The following MAGI1 variants were observed in gnomAD, a reference collection of about 807,000 sequenced individuals.
MAGI1 encodes the protein membrane-associated guanylate kinase, WW and PDZ domain-containing protein 1.
Under a neutral mutation model 139.9 loss-of-function variants are expected in MAGI1, and 58 were observed. The ratio of observed to expected loss-of-function variants is 0.41; its 90% confidence interval spans 0.34 to 0.52. The LOEUF is 0.52. Ranked by LOEUF, MAGI1 falls within the 20% of genes least tolerant of loss-of-function variation. MAGI1 has a pLI of 0.12. For missense variants in MAGI1, 1,874 were observed against 1,901.6 expected (o/e 0.99, Z 0.27); for synonymous variants, 812 against 737.9 (o/e 1.10, Z -1.63).
Position 65,375,732 on chromosome 3 carries a change from AG to A in MAGI1, c.3196+12del. On this transcript the variant is annotated intron_variant, in intron 18 of 22. Coordinates refer to ENST00000402939, the MANE Select transcript of MAGI1 (RefSeq NM_001033057.2). ...AAAGAGAGAGAGAGAGAGAGATAAT[AG>A]GTATACTTTACCATCCCCAGGAATG... 1 of 1,582,178 alleles carries A rather than the reference AG, an allele frequency of 6.3e-7. No homozygotes were observed. Among genetic ancestry groups the A allele is most frequent in the South Asian group, 1.1e-5 (1 of 90,384 alleles).
intron 7 of MAGI1, among the ~76,000 whole-genome samples, chr3:65,445,637 GA>G (rs1948629827): frequency 6.6e-6 from 1 of 152,164 alleles, no homozygotes; most frequent in African/African-American, 2.4e-5. Context: ...TCACCACATG[GA>G]TACCCTATAA....
chr3:65,825,331 T>A lies in MAGI1; in HGVS notation c.314-203243A>T, dbSNP rs1311743386. Among the ~76,000 whole-genome samples the A allele has an allele frequency of 3.9e-5, 6 of 152,198 alleles. 1 individual carries two copies. Among genetic ancestry groups the A allele is most frequent in the Admixed American group, 3.3e-4 (5 of 15,280 alleles). On this transcript the variant is annotated intron_variant, in intron 1 of 22. Transcript: ENST00000402939. ...TTAAAGAACTATCCTTAAAATCAAT[T>A]ATTTAAATACTTTAACCTAAGCAGT...
At chr3:65,832,868 A>G (rs971052523) in intron 1 of MAGI1, among the ~76,000 whole-genome samples, 17 of 152,226 alleles carry the variant, frequency 1.1e-4, no homozygotes, top group South Asian at 4.2e-4. Flanking sequence ...TTATTACTCA[A>G]TGTGGGGGAG....
intron 1 of MAGI1, among the ~76,000 whole-genome samples, chr3:65,719,681 G>A (rs1349591714): frequency 1.3e-5 from 2 of 151,888 alleles, no homozygotes; most frequent in African/African-American, 2.4e-5. Context: ...AAGTACCTGG[G>A]ACCACAGGCA....
chr3:65,582,266 T>C (rs1014614822), intron 2 of MAGI1, among the ~76,000 whole-genome samples: 3 of 152,206 alleles, frequency 2.0e-5, no homozygotes, highest in Non-Finnish European at 2.9e-5. Flanking sequence ...GTAAGCTCCC[T>C]GTGAACAAGG....
intron 2 of MAGI1, among the ~76,000 whole-genome samples, chr3:65,564,329 A>G (rs2080512319): frequency 6.6e-6 from 1 of 151,470 alleles, no homozygotes; most frequent in Admixed American, 6.6e-5. Context: ...AATGTGCTGC[A>G]TGAATGTCCT....
At chr3:65,954,958 A>T (rs1560051538) in intron 1 of MAGI1, among the ~76,000 whole-genome samples, 1 of 152,104 alleles carries the variant, frequency 6.6e-6, no homozygotes, top group Non-Finnish European at 1.5e-5. Flanking sequence ...CCACTGAGAG[A>T]TGAAAGAATT....
chr3:65,468,905 T>C (rs1235786028), intron 5 of MAGI1, among the ~76,000 whole-genome samples: 1 of 150,944 alleles, frequency 6.6e-6, no homozygotes, highest in Non-Finnish European at 1.5e-5. Flanking sequence ...TACTGCACTC[T>C]AGCCCAGGCA....
chr3:65,906,872 C>G (rs2061456089), intron 1 of MAGI1, among the ~76,000 whole-genome samples: 1 of 144,282 alleles, frequency 6.9e-6, no homozygotes, highest in South Asian at 2.2e-4. Context: ...GGCAACAGAG[C>G]AAGACTCTGT....
At chr3:65,686,392 AG>A (rs2088031758) in intron 1 of MAGI1, among the ~76,000 whole-genome samples, 2 of 152,298 alleles carry the variant, frequency 1.3e-5, no homozygotes, top group Non-Finnish European at 2.9e-5. Flanking sequence ...CCTGGATTCA[AG>A]CGATTCTCCT....
At chr3:65,727,261 C>A (rs1409326523) in intron 1 of MAGI1, among the ~76,000 whole-genome samples, 1 of 152,148 alleles carries the variant, frequency 6.6e-6, no homozygotes, top group African/African-American at 2.4e-5. Context: ...TGGAATTTTA[C>A]CAGAGTTAGG....
At chr3:65,732,637 T>C (rs950625940) in intron 1 of MAGI1, among the ~76,000 whole-genome samples, 5 of 152,234 alleles carry the variant, frequency 3.3e-5, no homozygotes, top group Non-Finnish European at 7.3e-5. Flanking sequence ...TTCAATATAA[T>C]ATACAAAACT....
intron 2 of MAGI1, among the ~76,000 whole-genome samples, chr3:65,573,613 GA>G (rs1209089569): frequency 6.6e-6 from 1 of 151,898 alleles, no homozygotes; most frequent in African/African-American, 2.4e-5. Context: ...AAGAATTTAT[GA>G]AAAACCTGCA....
chr3:65,890,280 G>A lies in MAGI1; in HGVS notation c.313+147716C>T, dbSNP rs1400773766. ...CTCGGGAGGCTGAGGCAGGAGAATG[G>A]CGTCAACCCAGGAGGCGGAGCTTGC... On this transcript the variant is annotated intron_variant, in intron 1 of 22. Coordinates refer to ENST00000402939, the MANE Select transcript of MAGI1 (RefSeq NM_001033057.2). Among the ~76,000 whole-genome samples, 3 of 152,280 alleles carry A rather than the reference G, an allele frequency of 2.0e-5. No individual in the cohort carries two copies. The East Asian group carries it at 5.8e-4, about 29-fold the overall frequency.
At chr3:65,798,903 A>G (rs1221268127) in intron 1 of MAGI1, among the ~76,000 whole-genome samples, 3 of 152,182 alleles carry the variant, frequency 2.0e-5, no homozygotes, top group African/African-American at 7.2e-5. Flanking sequence ...TCTACCCCGT[A>G]TACCCTCACC....
chr3:65,357,179 C>G (rs530520266), intron 22 of MAGI1, 47 bp from the exon 23 acceptor site: 8 of 1,551,356 alleles, frequency 5.2e-6, no homozygotes, highest in Admixed American at 1.8e-5. Flanking sequence ...GAAGGTCCCT[C>G]GGCTCCTGTC....
At chr3:65,917,479 T>C (rs1295837299) in intron 1 of MAGI1, among the ~76,000 whole-genome samples, 1 of 152,230 alleles carries the variant, frequency 6.6e-6, no homozygotes, top group Non-Finnish European at 1.5e-5. Context: ...TGAAAACTTA[T>C]GTCCACACAA....
chr3:65,604,481 T>C (rs1033547109), intron 2 of MAGI1, among the ~76,000 whole-genome samples: 1 of 152,192 alleles, frequency 6.6e-6, no homozygotes, highest in African/African-American at 2.4e-5. Flanking sequence ...AGAGAAACGA[T>C]ATCAGAGTTG....
chr3:65,823,302 C>T (rs543473212), intron 1 of MAGI1, among the ~76,000 whole-genome samples: 61 of 152,248 alleles, frequency 4.0e-4, no homozygotes, highest in African/African-American at 1.4e-3. Flanking sequence ...ATTCTGTCTA[C>T]TCTTTCTATG....
Sources: gnomAD v4.1 joint callset for allele counts (sites outside exome capture counted in the v4.1 genomes callset) on GRCh38, gnomAD v4.1.1 for gene constraint, MANE v1.5 for transcripts, NCBI Gene and HGNC (gene_info 2026-07-23, HGNC 2026-07-21) for gene names.